PTBP2: variants seen among roughly 807,000 people sequenced by gnomAD.
The protein encoded by PTBP2 is polypyrimidine tract-binding protein 2.
PTBP2 carries 13 observed loss-of-function variants against 61.4 expected under a neutral mutation model. That is an observed-to-expected ratio of 0.21 (90% CI 0.14 to 0.34). The LOEUF (loss-of-function observed/expected upper bound fraction) is 0.34, where lower values mean the gene tolerates loss of function less well. Ranked by LOEUF, PTBP2 falls within the 10% of genes least tolerant of loss-of-function variation. The pLI, the probability that PTBP2 is intolerant of heterozygous loss-of-function variation, is 1.00. For synonymous variants in PTBP2, 215 were observed against 218.5 expected (o/e 0.98, Z 0.14); for missense variants, 405 against 642.6 (o/e 0.63, Z 4.00).
intron 8 of PTBP2, among the ~76,000 whole-genome samples, chr1:96,793,904 C>T (rs563880103): frequency 3.3e-5 from 5 of 152,222 alleles, no homozygotes; most frequent in East Asian, 3.9e-4. Context: ...AATGTTACTA[C>T]GTCATTTCAT....
chr1:96,739,848 T>C (rs1372890526), intron 2 of PTBP2, among the ~76,000 whole-genome samples: 2 of 151,836 alleles, frequency 1.3e-5, no homozygotes, highest in East Asian at 1.9e-4. Flanking sequence ...TGGACTCTTA[T>C]CTCCCGACCT....
chr1:96,796,407 A>AAG (rs1162489249), intron 8 of PTBP2, among the ~76,000 whole-genome samples: 1 of 152,188 alleles, frequency 6.6e-6, no homozygotes, highest in Non-Finnish European at 1.5e-5. Flanking sequence ...AGGGAGAAAG[A>AAG]AGAACAGATG....
chr1:96,766,000 A>G (rs1225005648), intron 3 of PTBP2, among the ~76,000 whole-genome samples: 5 of 152,146 alleles, frequency 3.3e-5, no homozygotes, highest in African/African-American at 9.7e-5. Context: ...GATTTAACAA[A>G]TTACCCATGA....
chr1:96,776,527 T>C (rs1336325002), intron 5 of PTBP2, among the ~76,000 whole-genome samples: 1 of 151,988 alleles, frequency 6.6e-6, no homozygotes. Context: ...AAATGACTTT[T>C]CTTGTTTATT....
rs1649956350 is a variant in PTBP2, at chr1:96,723,632, T to C, written c.39+38T>C. On this transcript the variant is annotated intron_variant, in intron 2 of 13. Coordinates refer to ENST00000674951, the MANE Select transcript of PTBP2 (RefSeq NM_021190.4). ...TATGTTTGAAACTGGGATTGTTGGA[T>C]CTATTATCATAATTACTGGAAAATT... 2.0e-6 allele frequency: 3 copies of C among 1,527,948 alleles called. 1 individual carries two copies. In the Admixed American group the frequency reaches 5.2e-5, roughly 26 times the overall value. 94.6% of individuals were successfully genotyped at this position (1,527,948 alleles called of 1,614,324 possible). A position where few individuals can be genotyped will look rare whatever the true frequency, so the allele number is the denominator to read the frequency against.
chr1:96,806,808 T>TTTA lies in PTBP2; in HGVS notation c.1079-58_1079-57insTTA. 3.2e-6 allele frequency: 4 copies of TTTA among 1,260,642 alleles called. No homozygotes were observed. The Admixed American group carries it at 7.5e-5, about 24-fold the overall frequency. The allele number at this position is 1,260,642 out of a possible 1,614,324, so 78.1% of individuals were successfully genotyped here. On this transcript the variant is annotated intron_variant, in intron 10 of 13. Transcript: ENST00000674951. The stretch of plus-strand genomic sequence containing the variant: ...ATATGTCAGAAAGATAATCTTTAGG[T>TTTA]GACTTCCACATAAAATTAATTCCAT...
intron 1 of PTBP2, among the ~76,000 whole-genome samples, chr1:96,723,179 T>G (rs1649868916): frequency 6.6e-6 from 1 of 152,146 alleles, no homozygotes; most frequent in Non-Finnish European, 1.5e-5. Flanking sequence ...ACACGGAAAT[T>G]GATGTCAAAA....
At chr1:96,810,359 C>T (rs1412415731) in intron 11 of PTBP2, among the ~76,000 whole-genome samples, 1 of 152,070 alleles carries the variant, frequency 6.6e-6, no homozygotes, top group Non-Finnish European at 1.5e-5. Flanking sequence ...CTGTTTACTC[C>T]TTGTGTACTT....
At chr1:96,741,288 G>C (rs1652984169) in intron 2 of PTBP2, among the ~76,000 whole-genome samples, 1 of 152,022 alleles carries the variant, frequency 6.6e-6, no homozygotes, top group Non-Finnish European at 1.5e-5. Flanking sequence ...GAGAGACAGA[G>C]TCTCACTGTG....
At chr1:96,784,466 A>G (rs273872) in intron 7 of PTBP2, among the ~76,000 whole-genome samples, 44,554 of 152,030 alleles carry the variant, frequency 0.29, 7,285 homozygotes, top group East Asian at 0.46. Flanking sequence ...CGGGAATGAC[A>G]TTGGATTTGC....
intron 8 of PTBP2, among the ~76,000 whole-genome samples, chr1:96,797,775 T>G (rs1418022325): frequency 6.6e-6 from 1 of 152,252 alleles, no homozygotes; most frequent in Non-Finnish European, 1.5e-5. Flanking sequence ...TGTAAATGGT[T>G]GTTATAGTGT....
At chr1:96,806,689 T>G in intron 10 of PTBP2, 177 bp from the exon 11 acceptor site, 1 of 663,376 alleles carries the variant, frequency 1.5e-6, no homozygotes, top group Non-Finnish European at 2.5e-6. Context: ...AAATTATTCT[T>G]TTCAAAATTC....
At position 96,804,795 on chromosome 1, in the gene PTBP2, T is replaced by C; in HGVS notation, c.905-5T>C. 6.3e-7 allele frequency: 1 copy of C among 1,590,136 alleles called. No homozygotes were observed. Among genetic ancestry groups the C allele is most frequent in the Non-Finnish European group, 8.5e-7 (1 of 1,169,796 alleles). The stretch of plus-strand genomic sequence containing the variant: ...TTATTTTAAAATTAGGGCTTCCTGT[T>C]GCAGCTGTTCCAGGAGCTCTGAGTC... On this transcript the variant is annotated splice_polypyrimidine_tract_variant and splice_region_variant and intron_variant, in intron 8 of 13. Transcript: ENST00000674951.
At position 96,767,803 on chromosome 1, in the gene PTBP2, G is replaced by A. The variant is rs181051228; in HGVS notation, c.116-1900G>A. Among the ~76,000 whole-genome samples, 69 of 152,114 alleles carry A rather than the reference G, an allele frequency of 4.5e-4. 1 individual carries two copies. The highest frequency in any genetic ancestry group is 3.5e-3 in the Admixed American group (54 of 15,274). Reference sequence around the variant, plus strand: ...TTTGACAAATTCAGGTGCCCTGTGCGCACACAAATCTTTGTCAGTAGTGAA... The same window carrying A: ...TTTGACAAATTCAGGTGCCCTGTGCACACACAAATCTTTGTCAGTAGTGAA... On this transcript the variant is annotated intron_variant, in intron 3 of 13. Transcript: ENST00000674951.
intron 2 of PTBP2, among the ~76,000 whole-genome samples, chr1:96,739,618 G>GTGT (rs1553173125): frequency 8.4e-5 from 7 of 83,790 alleles, no homozygotes; most frequent in African/African-American, 3.4e-4. Flanking sequence ...ACTGGTGTGT[G>GTGT]TTTTTTTTTT....
intron 2 of PTBP2, among the ~76,000 whole-genome samples, chr1:96,729,988 A>G (rs558409347): frequency 1.1e-4 from 17 of 152,190 alleles, no homozygotes; most frequent in African/African-American, 4.1e-4. Flanking sequence ...CTGCCTCACA[A>G]AGTGCTGGGA....
chr1:96,760,248 A>G (rs1391017640), intron 3 of PTBP2, among the ~76,000 whole-genome samples: 2 of 152,096 alleles, frequency 1.3e-5, no homozygotes, highest in Non-Finnish European at 2.9e-5. Flanking sequence ...GTGACATTAT[A>G]AGGATGGGTA....
intron 2 of PTBP2, among the ~76,000 whole-genome samples, chr1:96,737,942 A>G (rs1221808809): frequency 4.6e-5 from 7 of 151,924 alleles, no homozygotes; most frequent in South Asian, 2.1e-4. Flanking sequence ...TTTATGGGCC[A>G]TTTTAAGGCT....
intron 3 of PTBP2, among the ~76,000 whole-genome samples, chr1:96,762,144 C>T (rs1397807326): frequency 4.0e-4 from 60 of 150,810 alleles, no homozygotes; most frequent in African/African-American, 8.6e-4. Context: ...TACACAGACA[C>T]GGCAACCATC....
Sources: gnomAD v4.1 joint callset for allele counts (sites outside exome capture counted in the v4.1 genomes callset) on GRCh38, gnomAD v4.1.1 for gene constraint, MANE v1.5 for transcripts, NCBI Gene and HGNC (gene_info 2026-07-23, HGNC 2026-07-21) for gene names.